Variants in NCALD observed in about 807,000 individuals in gnomAD.
NCALD encodes neurocalcin delta, also known as neurocalcin-delta.
NCALD carries 10 observed loss-of-function variants against 18.6 expected under a neutral mutation model. The ratio of observed to expected loss-of-function variants is 0.54; its 90% CI spans 0.33 to 0.91. The LOEUF is 0.91. NCALD is among the 40% of genes least tolerant of loss of function. The pLI is 0.03. For missense variants in NCALD, 184 were observed against 247.6 expected (o/e 0.74, Z 1.72); for synonymous variants, 88 against 87.4 (o/e 1.01, Z -0.04).
chr8:102,044,698 G>A (rs954795430), intron 1 of NCALD, among the ~76,000 whole-genome samples: 1 of 152,214 alleles, frequency 6.6e-6, no homozygotes, highest in South Asian at 2.1e-4. Context: ...AAAGGCTTGA[G>A]GGGGAGACTT....
At chr8:102,107,082 T>C (rs1009759006) in intron 1 of NCALD, among the ~76,000 whole-genome samples, 32 of 150,252 alleles carry the variant, frequency 2.1e-4, no homozygotes, top group Non-Finnish European at 3.8e-4. Flanking sequence ...TGCTGATGTA[T>C]GCTTTCCAGC....
intron 2 of NCALD, among the ~76,000 whole-genome samples, chr8:101,988,175 A>AAAG (rs1563513532): frequency 3.3e-4 from 50 of 149,678 alleles, no homozygotes; most frequent in East Asian, 1.6e-3. Flanking sequence ...AAAGAAAAAA[A>AAAG]AAAAGAAAAG....
chr8:102,050,434 G>A (rs1823403254), intron 1 of NCALD, among the ~76,000 whole-genome samples: 1 of 150,754 alleles, frequency 6.6e-6, no homozygotes. Context: ...ACACTAAAAA[G>A]TGAAATAACT....
intron 2 of NCALD, among the ~76,000 whole-genome samples, chr8:101,705,344 A>G (rs1334463173): frequency 6.6e-6 from 1 of 152,224 alleles, no homozygotes; most frequent in Admixed American, 6.5e-5. Flanking sequence ...TGATCATATT[A>G]GGTCTTGAAA....
At chr8:102,121,133 G>C (rs1825933033) in intron 1 of NCALD, among the ~76,000 whole-genome samples, 2 of 152,202 alleles carry the variant, frequency 1.3e-5, no homozygotes, top group Non-Finnish European at 2.9e-5. Context: ...CATTGCAACA[G>C]TTGGCAAAAT....
At chr8:101,915,483 C>T (rs923295848) in intron 3 of NCALD, 4 of 152,146 alleles carry the variant, frequency 2.6e-5, no homozygotes, top group Non-Finnish European at 5.9e-5. Context: ...GTAATGTACC[C>T]CTTGAGAAGA....
At chr8:101,960,263 A>G (rs1380762630) in intron 2 of NCALD, among the ~76,000 whole-genome samples, 1 of 152,122 alleles carries the variant, frequency 6.6e-6, no homozygotes, top group African/African-American at 2.4e-5. Flanking sequence ...CAGACAAAAA[A>G]CTCATTGAAG....
At chr8:101,722,194 A>T (rs1166290307) in intron 1 of NCALD, among the ~76,000 whole-genome samples, 1 of 152,180 alleles carries the variant, frequency 6.6e-6, no homozygotes, top group Admixed American at 6.5e-5. Flanking sequence ...TTCAACTGCA[A>T]CTCAAATGGA....
At chr8:101,963,864 G>A (rs563665446) in intron 2 of NCALD, among the ~76,000 whole-genome samples, 16 of 152,162 alleles carry the variant, frequency 1.1e-4, no homozygotes, top group African/African-American at 3.4e-4. Context: ...GTGTGGTACA[G>A]TAGTTCACAG....
intron 1 of NCALD, among the ~76,000 whole-genome samples, chr8:102,050,168 C>CAAAAAAAAAAAAAAAAAAAAAAA (rs71268541): frequency 2.7e-4 from 12 of 44,702 alleles, no homozygotes; most frequent in South Asian, 1.8e-3. Context: ...GACTCCGTCT[C>CAAAAAAAAAAAAAAAAAAAAAAA]AAAAAAAAAA....
At chr8:101,855,431 TC>T (rs1815274228) in intron 4 of NCALD, among the ~76,000 whole-genome samples, 1 of 152,140 alleles carries the variant, frequency 6.6e-6, no homozygotes. Context: ...AATGAGCAAC[TC>T]CAGAGAGCCA....
chr8:102,111,052 G>A (rs1825624769), intron 1 of NCALD, among the ~76,000 whole-genome samples: 1 of 151,984 alleles, frequency 6.6e-6, no homozygotes, highest in East Asian at 1.9e-4. Flanking sequence ...AAATACTCCA[G>A]GATGCCTTTG....
intron 2 of NCALD, among the ~76,000 whole-genome samples, chr8:101,949,743 C>T (rs1026610749): frequency 6.7e-6 from 1 of 149,780 alleles, no homozygotes; most frequent in Non-Finnish European, 1.5e-5. Flanking sequence ...GAAAATCCAG[C>T]AACTGAATGA....
intron 4 of NCALD, among the ~76,000 whole-genome samples, chr8:101,861,702 A>G (rs140146636): frequency 1.3e-5 from 2 of 152,206 alleles, no homozygotes; most frequent in African/African-American, 4.8e-5. Context: ...ATAAAAGATA[A>G]CCTTAGGTTT....
chr8:102,086,636 A>G (rs1388114943), intron 1 of NCALD, among the ~76,000 whole-genome samples: 3 of 152,134 alleles, frequency 2.0e-5, no homozygotes, highest in Non-Finnish European at 4.4e-5. Context: ...TAATTTTTTC[A>G]AAGAGCAAAT....
intron 1 of NCALD, among the ~76,000 whole-genome samples, chr8:101,775,459 C>A (rs1398827111): frequency 6.6e-6 from 1 of 152,164 alleles, no homozygotes. Flanking sequence ...AGAGGCAGAT[C>A]CCAAGCCCCA....
intron 3 of NCALD, among the ~76,000 whole-genome samples, chr8:101,887,824 T>C (rs758671309): frequency 9.9e-5 from 15 of 152,154 alleles, no homozygotes; most frequent in Non-Finnish European, 1.5e-4. Flanking sequence ...GTTTGTTTCA[T>C]TGAGCTGGGG....
intron 1 of NCALD, among the ~76,000 whole-genome samples, chr8:102,078,897 CA>C (rs1824435700): frequency 6.6e-6 from 1 of 152,218 alleles, no homozygotes; most frequent in African/African-American, 2.4e-5. Context: ...GGGCTTAAAA[CA>C]GTGCCTGGAG....
chr8:102,092,636 G>A (rs1400251962), intron 1 of NCALD, among the ~76,000 whole-genome samples: 2 of 152,118 alleles, frequency 1.3e-5, no homozygotes, highest in Non-Finnish European at 2.9e-5. Flanking sequence ...ACAGCAACAA[G>A]CCTTTTTTCA....
Sources: gnomAD v4.1 joint callset for allele counts (sites outside exome capture counted in the v4.1 genomes callset) on GRCh38, gnomAD v4.1.1 for gene constraint, MANE v1.5 for transcripts, NCBI Gene and HGNC (gene_info 2026-07-23, HGNC 2026-07-21) for gene names.